Variants in TNFRSF10C observed in about 807,000 individuals in gnomAD.
TNFRSF10C encodes tumor necrosis factor receptor superfamily member 10C.
TNFRSF10C carries 17 observed loss-of-function variants against 16.7 expected under a neutral mutation model. That is an observed-to-expected ratio of 1.02 (90% CI 0.70 to 1.53). TNFRSF10C has a LOEUF of 1.53. Among genes scored for constraint, TNFRSF10C ranks in the 40% most tolerant of loss-of-function variants. TNFRSF10C has a pLI of 0.00. For missense variants in TNFRSF10C, 237 were observed against 329.7 expected, an observed-to-expected ratio of 0.72 and a Z score of 2.18; for synonymous variants, 73 against 119.7, an observed-to-expected ratio of 0.61 and a Z score of 2.55.
At chr8:23,116,134 C>T (rs898304490) in intron 4 of TNFRSF10C, among the ~76,000 whole-genome samples, 6 of 152,074 alleles carry the variant, frequency 3.9e-5, no homozygotes, top group Admixed American at 3.3e-4. Flanking sequence ...CCAATCCAGC[C>T]GGCCTCACCC....
intron 1 of TNFRSF10C, among the ~76,000 whole-genome samples, chr8:23,105,298 G>A (rs1009380383): frequency 2.0e-5 from 3 of 152,226 alleles, no homozygotes; most frequent in Admixed American, 1.3e-4. Context: ...GTTACCAGGT[G>A]TGGGAGGACA....
At position 23,111,797 on chromosome 8, in the gene TNFRSF10C, C is replaced by T; in HGVS notation, c.138C>T (p.His46=). 6.2e-7 allele frequency: 1 copy of T among 1,614,158 alleles called. No individual in the cohort carries two copies. Among genetic ancestry groups the T allele is most frequent in the Non-Finnish European group, 8.5e-7 (1 of 1,180,010 alleles). Residue 46 remains histidine (H), a synonymous_variant, in exon 2 of 5, where the codon CAC becomes CAT. Coordinates refer to ENST00000356864, the MANE Select transcript of TNFRSF10C (RefSeq NM_003841.5). The part of the protein sequence containing the change: ...QQTVAPQQQR[H]SFKGEECPAG... ...CAGTGGCCCCACAGCAACAGAGGCA[C>T]AGCTTCAAGGGGGAGGAGTGTCCAG...
At chr8:23,116,064 C>T (rs937071445) in intron 4 of TNFRSF10C, among the ~76,000 whole-genome samples, 4 of 152,114 alleles carry the variant, frequency 2.6e-5, no homozygotes, top group Admixed American at 6.5e-5. Context: ...TGGTCACGGC[C>T]GACAAAAGTC....
intron 2 of TNFRSF10C, among the ~76,000 whole-genome samples, chr8:23,114,291 T>C (rs1222765277): frequency 1.3e-5 from 2 of 151,990 alleles, no homozygotes; most frequent in Non-Finnish European, 2.9e-5. Flanking sequence ...ATTTTGTGAG[T>C]GACGGCGTAA....
At chr8:23,111,471 T>A (rs1348715667) in intron 1 of TNFRSF10C, among the ~76,000 whole-genome samples, 1 of 152,040 alleles carries the variant, frequency 6.6e-6, no homozygotes, top group Non-Finnish European at 1.5e-5. Context: ...TGCCTCAGAC[T>A]TCCACATTGC....
At chr8:23,113,230 A>G (rs541714802) in intron 2 of TNFRSF10C, among the ~76,000 whole-genome samples, 1 of 151,974 alleles carries the variant, frequency 6.6e-6, no homozygotes, top group African/African-American at 2.4e-5. Context: ...TTGAATATTG[A>G]CCCTCATTCT....
At chr8:23,114,189 G>C (rs1813931416) in intron 2 of TNFRSF10C, among the ~76,000 whole-genome samples, 1 of 152,154 alleles carries the variant, frequency 6.6e-6, no homozygotes. Flanking sequence ...TGGGGAGACT[G>C]AGCGAAGACA....
At chr8:23,107,815 GA>G (rs1331549286) in intron 1 of TNFRSF10C, among the ~76,000 whole-genome samples, 1 of 152,192 alleles carries the variant, frequency 6.6e-6, no homozygotes, top group Non-Finnish European at 1.5e-5. Context: ...GAAGGGCTGA[GA>G]AAGCAAGACT....
intron 1 of TNFRSF10C, among the ~76,000 whole-genome samples, chr8:23,107,855 C>A (rs2128830267): frequency 6.6e-6 from 1 of 152,196 alleles, no homozygotes; most frequent in East Asian, 1.9e-4. Context: ...ATGAGATGGG[C>A]CTTAAAAGGA....
At chr8:23,106,649 T>C (rs1813782056) in intron 1 of TNFRSF10C, among the ~76,000 whole-genome samples, 5 of 152,168 alleles carry the variant, frequency 3.3e-5, no homozygotes, top group Admixed American at 3.3e-4. Context: ...TCTAACATGG[T>C]CTGCACAGTA....
rs1463447319 is a variant in TNFRSF10C, at chr8:23,116,647, T to C, written c.396T>C (p.Pro132=). ...PEMCRKCSRC[P]SGEVQVSNCT... ...CCTCTCTGTGTGTACCCAGGTGCCC[T>C]AGTGGGGAAGTCCAAGTCAGTAATT... is the stretch of plus-strand genomic sequence containing the variant. Residue 132 remains proline, a synonymous_variant, in exon 5 of 5, where the codon CCT becomes CCC. Coordinates refer to ENST00000356864, the MANE Select transcript of TNFRSF10C (RefSeq NM_003841.5). 2 of 1,613,374 alleles carry C rather than the reference T, an allele frequency of 1.2e-6. No homozygotes were observed. The highest frequency in any genetic ancestry group is 1.3e-5 in the African/African-American group (1 of 74,946).
chr8:23,112,862 G>C (rs937972118), intron 2 of TNFRSF10C, among the ~76,000 whole-genome samples: 3 of 152,144 alleles, frequency 2.0e-5, no homozygotes, highest in African/African-American at 7.2e-5. Flanking sequence ...TCATATAGTT[G>C]TTCTATTTTT....
intron 1 of TNFRSF10C, among the ~76,000 whole-genome samples, chr8:23,108,173 G>C: frequency 6.6e-6 from 1 of 151,940 alleles, no homozygotes; most frequent in Non-Finnish European, 1.5e-5. Context: ...GGAAAGGAAG[G>C]AACAGGAAGG....
At position 23,114,678 on chromosome 8, in the gene TNFRSF10C, C is replaced by T. The variant is rs374294925; in HGVS notation, c.188C>T (p.Thr63Ile). 45 of 1,612,026 alleles carry T rather than the reference C, an allele frequency of 2.8e-5. No individual in the cohort carries two copies. The South Asian group carries it at 4.5e-4, about 16-fold the overall frequency. Reference sequence around the variant, plus strand: ...CCAGGATCTCATAGATCAGAACATACTGGAGCCTGTAACCCGTGCACAGAG... The same window carrying T: ...CCAGGATCTCATAGATCAGAACATATTGGAGCCTGTAACCCGTGCACAGAG... ...CPAGSHRSEH[T>I]GACNPCTEGV... The change falls in exon 3 of 5, where the codon ACT (threonine) becomes ATT (isoleucine). Residue 63 changes from threonine (T) to isoleucine (I), a missense_variant. Transcript: ENST00000356864.
At position 23,110,564 on chromosome 8, in the gene TNFRSF10C, G is replaced by A. The variant is rs776248161; in HGVS notation, c.61-1156G>A. Among the ~76,000 whole-genome samples, 11 of 152,190 alleles carry A rather than the reference G, an allele frequency of 7.2e-5. No individual in the cohort carries two copies. The East Asian group carries it at 9.6e-4, about 13-fold the overall frequency. On this transcript the variant is annotated intron_variant, in intron 1 of 4. Coordinates refer to ENST00000356864, the MANE Select transcript of TNFRSF10C (RefSeq NM_003841.5). ...ATCAACACATTACCACTATCTATCC[G>A]CACTCTATTCCGATTTCTCCAGTTG... is the stretch of plus-strand genomic sequence containing the variant.
In TNFRSF10C at chr8:23,116,956, T is replaced by A. The variant is rs1211658773; in HGVS notation, c.705T>A (p.Pro235=). 1 of 1,614,034 alleles carries A rather than the reference T, an allele frequency of 6.2e-7. No individual in the cohort carries two copies. The highest frequency in any genetic ancestry group is 1.3e-5 in the African/African-American group (1 of 74,920). The part of the protein sequence containing the change: ...EETMITSPGT[P]ASSHYLSCTI... ...CAATGATCACCAGCCCGGGGACTCC[T>A]GCCTCTTCTCATTACCTCTCATGCA... The change falls in exon 5 of 5, where the codon CCT becomes CCA. Residue 235 remains proline, a synonymous_variant. Coordinates refer to ENST00000356864, the MANE Select transcript of TNFRSF10C (RefSeq NM_003841.5).
At chr8:23,106,451 T>G (rs1813779237) in intron 1 of TNFRSF10C, among the ~76,000 whole-genome samples, 1 of 146,782 alleles carries the variant, frequency 6.8e-6, no homozygotes, top group African/African-American at 2.6e-5. Context: ...TTTTTTTAGC[T>G]GGGCCTGAGA....
intron 1 of TNFRSF10C, 41 bp from the exon 2 acceptor site, chr8:23,111,679 T>C: frequency 6.7e-7 from 1 of 1,502,694 alleles, no homozygotes; most frequent in South Asian, 1.1e-5. Flanking sequence ...AGGGGTGAGG[T>C]CTGGAAGTCA....
intron 1 of TNFRSF10C, 30 bp downstream of exon 1, chr8:23,103,211 G>A (rs1307088669): frequency 1.2e-6 from 2 of 1,601,574 alleles, no homozygotes; most frequent in Non-Finnish European, 1.7e-6. Context: ...CCTGGCTGGG[G>A]AAGAGCGCAC....
Sources: gnomAD v4.1 joint callset for allele counts (sites outside exome capture counted in the v4.1 genomes callset) on GRCh38, gnomAD v4.1.1 for gene constraint, MANE v1.5 for transcripts, NCBI Gene and HGNC (gene_info 2026-07-23, HGNC 2026-07-21) for gene names.